Variants in SPG11 observed in about 807,000 individuals in gnomAD.
SPG11 encodes the protein spatacsin.
A neutral mutation model predicts 274.0 loss-of-function variants in SPG11; 222 were observed. The ratio of observed to expected loss-of-function variants is 0.81; its 90% CI spans 0.73 to 0.91. The LOEUF (loss-of-function observed/expected upper bound fraction) is 0.91. Ranked by LOEUF, SPG11 falls within the 40% of genes least tolerant of loss-of-function variation. The probability of loss-of-function intolerance (pLI) is 0.00; values close to 1 mark genes in which losing one functional copy is unlikely to be tolerated. For synonymous variants in SPG11, 1,144 were observed against 1,039.7 expected, an observed-to-expected ratio of 1.10 and a Z score of -1.93; for missense variants, 3,114 against 2,872.7, an observed-to-expected ratio of 1.08 and a Z score of -1.92.
At chr15:44,622,643 A>T in intron 12 of SPG11, 85 bp downstream of exon 12, 1 of 1,120,522 alleles carries the variant, frequency 8.9e-7, no homozygotes, top group Non-Finnish European at 1.4e-6. Flanking sequence ...AAAATTACTT[A>T]AGGTTTTTCT....
chr15:44,589,229 C>T (rs2140956733), intron 28 of SPG11, 23 bp downstream of exon 28: 1 of 1,612,614 alleles, frequency 6.2e-7, no homozygotes, highest in African/African-American at 1.3e-5. Flanking sequence ...TTAATAGCAA[C>T]TTAACTGTAA....
At position 44,572,871 on chromosome 15, in the gene SPG11, A is replaced by T. The variant is rs756041053; in HGVS notation, c.6206-51T>A. On this transcript the variant is annotated intron_variant, in intron 32 of 39. Coordinates refer to ENST00000261866, the MANE Select transcript of SPG11 (RefSeq NM_025137.4). ...TGCTGGTTTTATCTAAGAGAGGCCC[A>T]CTCTGCCCAGGCTTAGGCACCAGGA... 4.4e-6 allele frequency: 7 copies of T among 1,602,500 alleles called. No individual in the cohort carries two copies. In the Admixed American group the frequency reaches 1.2e-4, roughly 27 times the overall value.
chr15:44,628,724 T>C lies in SPG11; in HGVS notation c.2012A>G (p.His671Arg), dbSNP rs189306815. Reference sequence around the variant, plus strand: ...CTCCTTTACTTTGGGGACATTTTCATGTACATCATATTCATCTATAGCATC... The same window carrying C: ...CTCCTTTACTTTGGGGACATTTTCACGTACATCATATTCATCTATAGCATC... ...LTDAIDEYDV[H>R]ENVPKVKESN... Residue 671 changes from histidine (H) to arginine (R), a missense_variant, in exon 10 of 40, where the codon CAT becomes CGT. Transcript: ENST00000261866. 76 of 1,613,844 alleles carry C rather than the reference T, an allele frequency of 4.7e-5. No individual in the cohort carries two copies. Among genetic ancestry groups the C allele is most frequent in the East Asian group, 2.0e-4 (9 of 44,840 alleles).
intron 5 of SPG11, 25 bp downstream of exon 5, chr15:44,652,104 C>G (rs1408345136): frequency 6.2e-7 from 1 of 1,613,684 alleles, no homozygotes; most frequent in Non-Finnish European, 8.5e-7. Flanking sequence ...GAACAATAAA[C>G]TACATGAAAA....
intron 18 of SPG11, among the ~76,000 whole-genome samples, 187 bp downstream of exon 18, chr15:44,610,653 C>T (rs1346929070): frequency 6.6e-6 from 1 of 152,200 alleles, no homozygotes; most frequent in African/African-American, 2.4e-5. Flanking sequence ...GCTGGGATTA[C>T]AGGAGTGAGC....
intron 39 of SPG11, among the ~76,000 whole-genome samples, chr15:44,564,097 A>T (rs2082258271): frequency 6.6e-6 from 1 of 151,808 alleles, no homozygotes; most frequent in Admixed American, 6.6e-5. Context: ...GGTTCAAGTG[A>T]TTCTCCTGCC....
chr15:44,655,497 C>T (rs182793198), intron 4 of SPG11, among the ~76,000 whole-genome samples: 90 of 152,318 alleles, frequency 5.9e-4, no homozygotes, highest in Middle Eastern at 3.4e-3. Flanking sequence ...TTCAGACAGA[C>T]TACTCATCTT....
At chr15:44,591,739 G>A (rs777195990) in intron 27 of SPG11, among the ~76,000 whole-genome samples, 21 of 152,212 alleles carry the variant, frequency 1.4e-4, no homozygotes, top group African/African-American at 3.6e-4. Context: ...TTGAGAGGCC[G>A]AGGCAGGAGG....
chr15:44,626,004 A>C (rs1276096629), intron 11 of SPG11, among the ~76,000 whole-genome samples: 1 of 152,076 alleles, frequency 6.6e-6, no homozygotes, highest in African/African-American at 2.4e-5. Flanking sequence ...TAGCAATATG[A>C]GAATGGACTA....
rs758691274 is a variant in SPG11 at position 44,657,307 on chromosome 15, G to A, written c.668-11C>T. The A allele has an allele frequency of 1.9e-6, 3 of 1,613,356 alleles. No individual in the cohort carries two copies. Among genetic ancestry groups the A allele is most frequent in the Non-Finnish European group, 2.5e-6 (3 of 1,179,392 alleles). On this transcript the variant is annotated splice_polypyrimidine_tract_variant and intron_variant, in intron 3 of 39. Transcript: ENST00000261866. ...CAACATCAAAAATGTCTTTTAGTTAGAGTTAAAAGAAAATGCCAGTTTTGT... is the reference window on the plus strand; with the variant it reads ...CAACATCAAAAATGTCTTTTAGTTAAAGTTAAAAGAAAATGCCAGTTTTGT...
chr15:44,597,941 C>G (rs2083086361), intron 23 of SPG11, among the ~76,000 whole-genome samples: 1 of 152,184 alleles, frequency 6.6e-6, no homozygotes, highest in African/African-American at 2.4e-5. Context: ...ACATCTGAAC[C>G]CACATCTTCT....
At chr15:44,659,840 CA>C (rs2085052522) in intron 2 of SPG11, among the ~76,000 whole-genome samples, 1 of 152,192 alleles carries the variant, frequency 6.6e-6, no homozygotes, top group East Asian at 1.9e-4. Flanking sequence ...GTGGGCAGAT[CA>C]CTTGAGGTCA....
rs2082333194 is a variant in SPG11 at position 44,567,429 on chromosome 15, G to A, written c.6749C>T (p.Pro2250Leu). 6.2e-7 allele frequency: 1 copy of A among 1,613,654 alleles called. No individual in the cohort carries two copies. The highest frequency in any genetic ancestry group is 8.5e-7 in the Non-Finnish European group (1 of 1,179,962). Residue 2250 changes from proline (P) to leucine (L), a missense_variant, in exon 36 of 40, where the codon CCC (proline) becomes CTC (leucine). Physicochemically the swap from Pro to Leu is moderately conservative, Grantham distance 98. Coordinates refer to ENST00000261866, the MANE Select transcript of SPG11 (RefSeq NM_025137.4). ...GTGGCTGTGACCTCACTCACCCCAG[G>A]GCTGAGACTCAATCAATTTCAGTTG... ...RIQLKLIESQPWEDSLKDGHQ... is the reference protein window; with the variant it reads ...RIQLKLIESQLWEDSLKDGHQ...
rs377713204 is a variant in SPG11, at chr15:44,621,868, A to G, written c.2511T>C (p.Asp837=). The change falls in exon 14 of 40, where the codon GAT becomes GAC. Residue 837 remains aspartate (D), a synonymous_variant. Coordinates refer to ENST00000261866, the MANE Select transcript of SPG11 (RefSeq NM_025137.4). The stretch of plus-strand genomic sequence containing the variant: ...CCTGTTTGTTAAATTCATCTTTACA[A>G]TCATATTTCAGGAATGAGTCCAAAA... The part of the protein sequence containing the change: ...KSVLDSFLKY[D]CKDEFNKQDH... The G allele has an allele frequency of 6.2e-7, 1 of 1,613,818 alleles. No individual in the cohort carries two copies. Among genetic ancestry groups the G allele is most frequent in the African/African-American group, 1.3e-5 (1 of 74,890 alleles).
intron 4 of SPG11, 83 bp downstream of exon 4, chr15:44,657,008 TAAAA>T (rs201913015): frequency 9.8e-5 from 98 of 999,302 alleles, no homozygotes; most frequent in Non-Finnish European, 1.3e-4. Context: ...AAACACTAGT[TAAAA>T]AAAAAAAACT....
chr15:44,633,994 A>G (rs2084162342), intron 7 of SPG11, among the ~76,000 whole-genome samples: 1 of 152,048 alleles, frequency 6.6e-6, no homozygotes, highest in African/African-American at 2.4e-5. Flanking sequence ...GCCCGCCACC[A>G]TGTCCGGCTA....
chr15:44,648,905 A>T lies in SPG11; in HGVS notation c.1563T>A (p.Asn521Lys). 6.2e-7 allele frequency: 1 copy of T among 1,614,168 alleles called. No individual in the cohort carries two copies. Among genetic ancestry groups the T allele is most frequent in the Non-Finnish European group, 8.5e-7 (1 of 1,180,014 alleles). Reference protein sequence around the residue: ...ASTVDTLCHLNGWGRCSIPIH... With the variant: ...ASTVDTLCHLKGWGRCSIPIH... ...TGGGAATTGAGCACCTTCCCCAGCC[A>T]TTGAGATGACAAAGAGTGTCCACAG... The change falls in exon 7 of 40, where the codon AAT (asparagine) becomes AAA (lysine). Residue 521 changes from asparagine (N) to lysine (K), a missense_variant. Coordinates refer to ENST00000261866, the MANE Select transcript of SPG11 (RefSeq NM_025137.4).
Position 44,608,485 on chromosome 15 carries a change from TAGG to T in SPG11, c.3409_3411del (p.Pro1137del), listed in dbSNP as rs1361337311. 6.2e-7 allele frequency: 1 copy of T among 1,614,064 alleles called. No individual in the cohort carries two copies. Among genetic ancestry groups the T allele is most frequent in the Non-Finnish European group, 8.5e-7 (1 of 1,180,002 alleles). ...ATTGTAATATCAGATGGCAGGACAC[TAGG>T]AGGAGTGCACTGTGGGAAGAGAGCA... On this transcript the variant is annotated inframe_deletion, in exon 19 of 40. Transcript: ENST00000261866.
At chr15:44,578,707 A>G (rs1176120337) in intron 30 of SPG11, among the ~76,000 whole-genome samples, 1 of 152,224 alleles carries the variant, frequency 6.6e-6, no homozygotes, top group Non-Finnish European at 1.5e-5. Flanking sequence ...AGGAAAATGA[A>G]CTAATGTTAA....
Sources: allele counts gnomAD v4.1 joint callset (sites outside exome capture counted in the v4.1 genomes callset), GRCh38; gene constraint gnomAD v4.1.1; transcripts MANE v1.5; gene names NCBI Gene and HGNC (gene_info 2026-07-23, HGNC 2026-07-21).